C2CD2: variants seen among roughly 807,000 people sequenced by gnomAD.
C2CD2 encodes C2 calcium dependent domain containing 2, also known as C2 domain-containing protein 2.
C2CD2 carries 43 observed loss-of-function variants against 74.3 expected under a neutral mutation model. The observed-to-expected ratio is 0.58, with a 90% CI of 0.45 to 0.75. C2CD2 has a LOEUF of 0.75. C2CD2 is among the 30% of genes least tolerant of loss of function. The probability of loss-of-function intolerance (pLI) is 0.00; values close to 1 mark genes in which losing one functional copy is unlikely to be tolerated. For synonymous variants in C2CD2, 422 were observed against 390.7 expected, an observed-to-expected ratio of 1.08 and a Z score of -0.94; for missense variants, 801 against 916.3, an observed-to-expected ratio of 0.87 and a Z score of 1.63.
chr21:41,953,526 C>T lies in C2CD2; in HGVS notation c.123G>A (p.Ala41=). 6.8e-7 allele frequency: 1 copy of T among 1,477,392 alleles called. No homozygotes were observed. The highest frequency in any genetic ancestry group is 8.9e-7 in the Non-Finnish European group (1 of 1,118,278). 91.5% of individuals were successfully genotyped at this position (1,477,392 alleles called of 1,614,324 possible). ...CCGCCCGCCGCTGGGGCTGGGGTCG[C>T]GCCCTGGCCAGCGCCCACTGCGCCA... The part of the protein sequence containing the change: ...LYLAQWALAR[A]RPQPQRRAVE... Residue 41 remains alanine, a synonymous_variant, in exon 1 of 14, where the codon GCG becomes GCA. Coordinates refer to ENST00000380486, the MANE Select transcript of C2CD2 (RefSeq NM_015500.2).
rs370805739 is a variant in C2CD2 at position 41,939,972 on chromosome 21, C to A, written c.378+2175G>T. 1.0e-3 allele frequency among the ~76,000 whole-genome samples: 152 copies of A among 152,246 alleles called. 6 individuals carry two copies. The South Asian group carries it at 0.031, about 31-fold the overall frequency. On this transcript the variant is annotated intron_variant, in intron 2 of 13. Coordinates refer to ENST00000380486, the MANE Select transcript of C2CD2 (RefSeq NM_015500.2). The surrounding 1 kb of genome is among the most constrained non-coding windows in gnomAD (Gnocchi z 5.5). ...CACTGTCTGTGCGGACTGAGCATCC[C>A]GAATCCGAACATCCCAAATCTGAAA...
At position 41,889,359 on chromosome 21, in the gene C2CD2, C is replaced by T. The variant is rs2064721285; in HGVS notation, c.1871-15G>A. The T allele has an allele frequency of 1.9e-6, 3 of 1,586,516 alleles. No individual in the cohort carries two copies. Among genetic ancestry groups the T allele is most frequent in the Non-Finnish European group, 2.6e-6 (3 of 1,155,966 alleles). The stretch of plus-strand genomic sequence containing the variant: ...TAGAATTCCTCCTGGAAGAGGGAGG[C>T]ACAAGGGCTGGTCAAGTGGGCAGGG... On this transcript the variant is annotated splice_polypyrimidine_tract_variant and intron_variant, in intron 13 of 13. Coordinates refer to ENST00000380486, the MANE Select transcript of C2CD2 (RefSeq NM_015500.2).
At chr21:41,904,414 C>T (rs988111234) in intron 11 of C2CD2, among the ~76,000 whole-genome samples, 11 of 152,204 alleles carry the variant, frequency 7.2e-5, no homozygotes, top group African/African-American at 2.4e-4. Flanking sequence ...GCAGCCCGTA[C>T]GGGTTCTCTG....
chr21:41,928,451 C>A (rs1053100780), intron 2 of C2CD2, among the ~76,000 whole-genome samples: 3 of 150,132 alleles, frequency 2.0e-5, no homozygotes, highest in African/African-American at 7.4e-5. Context: ...CTAGGAAAGA[C>A]CCTCATTCAA....
rs1002447447 is a variant in C2CD2 at position 41,903,278 on chromosome 21, C to T, written c.1433-1529G>A. On this transcript the variant is annotated intron_variant, in intron 11 of 13. Transcript: ENST00000380486. The surrounding 1 kb of genome is among the most constrained non-coding windows in gnomAD (Gnocchi z 4.5). Reference sequence around the variant, plus strand: ...TTCTGTGAGCCATTATAGCAAATTACGGAACCCGAGGAGTGTGTCATGGAA... The same window carrying T: ...TTCTGTGAGCCATTATAGCAAATTATGGAACCCGAGGAGTGTGTCATGGAA... Among the ~76,000 whole-genome samples, 7 of 152,100 alleles carry T rather than the reference C, an allele frequency of 4.6e-5. No individual in the cohort carries two copies. The highest frequency in any genetic ancestry group is 1.4e-4 in the African/African-American group (6 of 41,404).
intron 11 of C2CD2, among the ~76,000 whole-genome samples, chr21:41,902,022 G>T (rs1044964502): frequency 6.6e-6 from 1 of 152,200 alleles, no homozygotes; most frequent in African/African-American, 2.4e-5. Flanking sequence ...TGACGGGCCA[G>T]ATTTTTCCTA....
intron 3 of C2CD2, 66 bp downstream of exon 3, chr21:41,921,906 G>T: frequency 2.1e-6 from 2 of 956,038 alleles, no homozygotes; most frequent in Non-Finnish European, 3.4e-6. Flanking sequence ...CTCACACCAT[G>T]CTCACTCTTC....
rs1320281373 is a variant in C2CD2, at chr21:41,953,517, C to G, written c.132G>C (p.Gln44His). 5 of 1,481,922 alleles carry G rather than the reference C, an allele frequency of 3.4e-6. No individual in the cohort carries two copies. The Admixed American group carries it at 1.2e-4, about 35-fold the overall frequency. The allele number at this position is 1,481,922 out of a possible 1,614,324, so 91.8% of individuals were successfully genotyped here. A position where few individuals can be genotyped will look rare whatever the true frequency, so the allele number is the denominator to read the frequency against. The change falls in exon 1 of 14, where the codon CAG (glutamine) becomes CAC (histidine). Residue 44 changes from glutamine to histidine, a missense_variant. Transcript: ENST00000380486. ...CAGGCTCCACCGCCCGCCGCTGGGGCTGGGGTCGCGCCCTGGCCAGCGCCC... is the reference window on the plus strand; with the variant it reads ...CAGGCTCCACCGCCCGCCGCTGGGGGTGGGGTCGCGCCCTGGCCAGCGCCC... The part of the protein sequence containing the change: ...AQWALARARP[Q>H]PQRRAVEPGE...
At chr21:41,916,458 T>C (rs1210267588) in intron 5 of C2CD2, among the ~76,000 whole-genome samples, 1 of 152,140 alleles carries the variant, frequency 6.6e-6, no homozygotes, top group African/African-American at 2.4e-5. Context: ...AAAGGGGCCT[T>C]TTCCTGCCTT....
intron 10 of C2CD2, 73 bp downstream of exon 10, chr21:41,906,919 C>T (rs1263828502): frequency 4.2e-6 from 5 of 1,197,650 alleles, no homozygotes; most frequent in Non-Finnish European, 6.1e-6. Context: ...CAGAACTCTG[C>T]AGTTGTGGGG....
intron 6 of C2CD2, among the ~76,000 whole-genome samples, chr21:41,914,147 AC>A (rs1338231589): frequency 1.3e-5 from 2 of 151,912 alleles, no homozygotes; most frequent in South Asian, 2.1e-4. Context: ...AATCGCTTGA[AC>A]CCAGGAGGTG....
chr21:41,913,187 G>A (rs1427012430), intron 6 of C2CD2, among the ~76,000 whole-genome samples: 2 of 148,276 alleles, frequency 1.3e-5, no homozygotes, highest in Non-Finnish European at 3.0e-5. Context: ...CCCATTTCCC[G>A]ACTTACACCA....
chr21:41,891,443 T>A (rs1309732771), intron 13 of C2CD2, among the ~76,000 whole-genome samples: 2 of 152,196 alleles, frequency 1.3e-5, no homozygotes, highest in East Asian at 1.9e-4. Context: ...GATACAGTGG[T>A]GCTGATGTGG....
intron 13 of C2CD2, among the ~76,000 whole-genome samples, chr21:41,896,657 A>C (rs1275125527): frequency 6.8e-6 from 1 of 146,404 alleles, no homozygotes; most frequent in Non-Finnish European, 1.5e-5. Flanking sequence ...ACTCTCAGAA[A>C]CCGAATACAA....
chr21:41,949,506 C>T (rs1270351630), intron 1 of C2CD2, among the ~76,000 whole-genome samples: 1 of 152,136 alleles, frequency 6.6e-6, no homozygotes, highest in Non-Finnish European at 1.5e-5. Flanking sequence ...TTACGTGGTG[C>T]TGGGTGAAAG....
intron 7 of C2CD2, among the ~76,000 whole-genome samples, chr21:41,910,014 A>T (rs1261969162): frequency 3.6e-5 from 5 of 137,564 alleles, no homozygotes; most frequent in Non-Finnish European, 6.3e-5. Flanking sequence ...AAAAAAAAAA[A>T]GTAGAGATGA....
chr21:41,927,573 C>T (rs752776720), intron 2 of C2CD2, among the ~76,000 whole-genome samples: 9 of 152,048 alleles, frequency 5.9e-5, no homozygotes, highest in African/African-American at 9.7e-5. Flanking sequence ...TGGATTCAAG[C>T]GATTCTCCTG....
rs2064765846 is a variant in C2CD2, at chr21:41,892,446, G to A, written c.1871-3102C>T. 6.6e-6 allele frequency among the ~76,000 whole-genome samples: 1 copy of A among 152,172 alleles called. No individual in the cohort carries two copies. Among genetic ancestry groups the A allele is most frequent in the Non-Finnish European group, 1.5e-5 (1 of 68,024 alleles). Reference sequence around the variant, plus strand: ...TGATACAGCCCTGGGAGGGGAGGGGGCGCATTTGGCTTAAGGATCCAGGAA... The same window carrying A: ...TGATACAGCCCTGGGAGGGGAGGGGACGCATTTGGCTTAAGGATCCAGGAA... On this transcript the variant is annotated intron_variant, in intron 13 of 13. Transcript: ENST00000380486. The surrounding 1 kb of genome is among the most constrained non-coding windows in gnomAD (Gnocchi z 4.6).
chr21:41,900,960 A>G (rs2064888137), intron 12 of C2CD2: 1 of 152,506 alleles, frequency 6.6e-6, no homozygotes, highest in African/African-American at 2.4e-5. Context: ...AGCCAGTCTC[A>G]TAACAAATTA....
Sources: gnomAD v4.1 joint callset for allele counts (sites outside exome capture counted in the v4.1 genomes callset) on GRCh38, gnomAD v4.1.1 for gene constraint, Gnocchi (gnomAD v3.1) non-coding constraint, MANE v1.5 for transcripts, NCBI Gene and HGNC (gene_info 2026-07-23, HGNC 2026-07-21) for gene names.